Variants in C12orf42 observed in about 807,000 individuals in gnomAD.
C12orf42 encodes chromosome 12 open reading frame 42.
In C12orf42, 25 loss-of-function variants were observed where a neutral mutation model predicts 21.6. The ratio of observed to expected loss-of-function variants is 1.16; its 90% confidence interval spans 0.84 to 1.62. The LOEUF is 1.62. Ranked by LOEUF, C12orf42 falls within the 40% of genes most tolerant of loss-of-function variation. The pLI is 0.00. For synonymous variants in C12orf42, 174 were observed against 175.0 expected, an observed-to-expected ratio of 0.99 and a Z score of 0.05; for missense variants, 483 against 459.3, an observed-to-expected ratio of 1.05 and a Z score of -0.47.
chr12:103,162,335 CT>C, the C12orf42 span, among the ~76,000 whole-genome samples: 3 of 152,220 alleles, frequency 2.0e-5, no homozygotes, highest in Non-Finnish European at 4.4e-5. Context: ...CTGGGGTAGA[CT>C]GCTGCCTCAC....
chr12:103,178,333 CG>C, the C12orf42 span: 2 of 152,166 alleles, frequency 1.3e-5, no homozygotes, highest in African/African-American at 4.8e-5. Context: ...GGCACTCACT[CG>C]GTGCCCTACA....
At chr12:103,432,525 G>T (rs7300757) in intron 2 of C12orf42, among the ~76,000 whole-genome samples, 96,117 of 152,036 alleles carry the variant, frequency 0.63, 31,166 homozygotes, top group Admixed American at 0.73. Context: ...CATACAATAG[G>T]AGGTTTCTGC....
chr12:103,521,988 A>G, the C12orf42 span, among the ~76,000 whole-genome samples: 3 of 152,300 alleles, frequency 2.0e-5, no homozygotes, highest in East Asian at 5.8e-4. Flanking sequence ...GTCTCCCCTC[A>G]GTTGTGCTGT....
chr12:103,086,725 T>G, the C12orf42 span, among the ~76,000 whole-genome samples: 4 of 152,096 alleles, frequency 2.6e-5, no homozygotes, highest in African/African-American at 9.6e-5. Context: ...TCTGATTCGC[T>G]TACACTGCTT....
chr12:103,505,284 C>G, the C12orf42 span: 1 of 254,754 alleles, frequency 3.9e-6, no homozygotes, highest in Non-Finnish European at 7.8e-6. Context: ...CCCCTCACAT[C>G]AAGGGTTCAC....
chr12:103,160,472 ATTTTCCCCCAAGTAAAT>A, the C12orf42 span, among the ~76,000 whole-genome samples: 3 of 152,302 alleles, frequency 2.0e-5, no homozygotes, highest in East Asian at 3.8e-4. Context: ...CTCTAATAAA[ATTTTCCCCCAAGTAAAT>A]TTTTCCCCCA....
chr12:103,295,093 C>A (rs1355630782), intron 4 of C12orf42, among the ~76,000 whole-genome samples: 1 of 152,182 alleles, frequency 6.6e-6, no homozygotes, highest in Non-Finnish European at 1.5e-5. Context: ...CTGCAAAGGA[C>A]ATAATCTCAT....
rs1180092353 is a variant in C12orf42 at position 103,441,146 on chromosome 12, TTA to T, written c.78+37201_78+37202del. 2.0e-5 allele frequency among the ~76,000 whole-genome samples: 3 copies of T among 152,160 alleles called. 1 individual carries two copies. The East Asian group carries it at 5.8e-4, about 29-fold the overall frequency. On this transcript the variant is annotated intron_variant, in intron 2 of 5. Coordinates refer to ENST00000548883, the MANE Select transcript of C12orf42 (RefSeq NM_198521.5). ...TCCTCCCTAGTTGGACTCCTAAGTA[TTA>T]TATTTTCCAAACAGCCCATGAGGTT...
the C12orf42 span, among the ~76,000 whole-genome samples, chr12:103,519,449 G>T: frequency 6.6e-6 from 1 of 151,844 alleles, no homozygotes; most frequent in African/African-American, 2.4e-5. Context: ...TTACTGCCTG[G>T]AATGGAATCT....
the C12orf42 span, among the ~76,000 whole-genome samples, chr12:103,177,732 C>T: frequency 6.6e-6 from 1 of 151,976 alleles, no homozygotes; most frequent in Admixed American, 6.6e-5. Flanking sequence ...TAGCAGTTTG[C>T]CTCTCCTCCT....
At chr12:103,301,246 C>A (rs760803721), downstream of C12orf42, among the ~76,000 whole-genome samples, 30 of 152,084 alleles carry the variant, frequency 2.0e-4, no homozygotes, top group Admixed American at 1.0e-3. Context: ...CTCTGTGAAT[C>A]CAAGCTTGTG....
At chr12:103,517,872 G>A in the C12orf42 span, among the ~76,000 whole-genome samples, 2 of 151,990 alleles carry the variant, frequency 1.3e-5, no homozygotes, top group South Asian at 4.2e-4. Context: ...AAAACCCACA[G>A]AAAATAAAAA....
chr12:103,444,651 A>ACG (rs1306903632), intron 2 of C12orf42, among the ~76,000 whole-genome samples: 1 of 152,002 alleles, frequency 6.6e-6, no homozygotes, highest in African/African-American at 2.4e-5. Context: ...TTTCTGAAAG[A>ACG]TGTGTCTTGA....
the C12orf42 span, among the ~76,000 whole-genome samples, chr12:103,130,930 C>G: frequency 2.0e-5 from 3 of 152,208 alleles, no homozygotes; most frequent in African/African-American, 7.2e-5. Flanking sequence ...CAATAAAAAT[C>G]TGGTCCACGT....
the C12orf42 span, among the ~76,000 whole-genome samples, chr12:103,529,558 A>G: frequency 6.6e-6 from 1 of 152,182 alleles, no homozygotes; most frequent in African/African-American, 2.4e-5. Flanking sequence ...GATTAACACA[A>G]TCATCCACAG....
the C12orf42 span, among the ~76,000 whole-genome samples, chr12:103,094,059 C>G: frequency 6.6e-6 from 1 of 152,150 alleles, no homozygotes; most frequent in Non-Finnish European, 1.5e-5. Flanking sequence ...TCCTCCTGGT[C>G]AAGACAGTGG....
At chr12:103,230,124 C>A in the C12orf42 span, among the ~76,000 whole-genome samples, 2 of 151,290 alleles carry the variant, frequency 1.3e-5, no homozygotes, top group African/African-American at 4.9e-5. Flanking sequence ...TGGCTGAAAA[C>A]AACACACAAT....
At position 103,479,393 on chromosome 12, in the gene C12orf42, G is replaced by A. The variant is rs73389767; in HGVS notation, c.-21-946C>T. On this transcript the variant is annotated intron_variant, in intron 1 of 5. Coordinates refer to ENST00000548883, the MANE Select transcript of C12orf42 (RefSeq NM_198521.5). ...TGAAAAAGAAAAGAAGACTAGGTGTGGAGTTGCAAAAAATAAGAGGAGGTG... is the reference window on the plus strand; with the variant it reads ...TGAAAAAGAAAAGAAGACTAGGTGTAGAGTTGCAAAAAATAAGAGGAGGTG... 3.2e-3 allele frequency among the ~76,000 whole-genome samples: 490 copies of A among 152,060 alleles called. 4 individuals carry two copies. Among genetic ancestry groups the A allele is most frequent in the African/African-American group, 0.011 (473 of 41,514 alleles).
intron 4 of C12orf42, among the ~76,000 whole-genome samples, chr12:103,332,039 A>G (rs562218612): frequency 6.6e-6 from 1 of 152,328 alleles, no homozygotes; most frequent in Admixed American, 6.5e-5. Context: ...ATATAGAAGC[A>G]GAAATTAAGA....
Sources: allele counts gnomAD v4.1 joint callset (sites outside exome capture counted in the v4.1 genomes callset), GRCh38; gene constraint gnomAD v4.1.1; transcripts MANE v1.5; gene names NCBI Gene and HGNC (gene_info 2026-07-23, HGNC 2026-07-21).